Variants in CLRN1 observed in about 807,000 individuals in gnomAD.
CLRN1 encodes the protein clarin-1.
In CLRN1, 15 loss-of-function variants were observed where a neutral mutation model predicts 18.7. The observed-to-expected ratio is 0.80, with a 90% CI of 0.54 to 1.23. The LOEUF (loss-of-function observed/expected upper bound fraction) is 1.23, where lower values mean the gene tolerates loss of function less well. CLRN1 is among the 50% of genes most tolerant of loss of function. The probability of loss-of-function intolerance (pLI) is 0.00; values close to 1 mark genes in which losing one functional copy is unlikely to be tolerated. For missense variants in CLRN1, 311 were observed against 277.5 expected (o/e 1.12, Z -0.86); for synonymous variants, 104 against 102.9 (o/e 1.01, Z -0.07).
At chr3:150,929,303 C>T (rs1041055023) in intron 2 of CLRN1, among the ~76,000 whole-genome samples, 1 of 152,144 alleles carries the variant, frequency 6.6e-6, no homozygotes, top group Non-Finnish European at 1.5e-5. Flanking sequence ...CACTGGGAGA[C>T]TTCCAGATGG....
At chr3:150,941,842 C>G in intron 1 of CLRN1, 81 bp from the exon 2 acceptor site, 2 of 1,262,832 alleles carry the variant, frequency 1.6e-6, no homozygotes, top group Non-Finnish European at 2.3e-6. Flanking sequence ...TCAAATCTCT[C>G]TTTTTTAATT....
intron 1 of CLRN1, among the ~76,000 whole-genome samples, chr3:150,966,633 C>T (rs1350070013): frequency 6.6e-6 from 1 of 152,170 alleles, no homozygotes; most frequent in East Asian, 1.9e-4. Flanking sequence ...TTCAATTTCC[C>T]TTTCTTTAAC....
At chr3:150,947,761 T>A (rs372581329) in intron 1 of CLRN1, among the ~76,000 whole-genome samples, 1 of 152,132 alleles carries the variant, frequency 6.6e-6, no homozygotes, top group East Asian at 1.9e-4. Context: ...CTCAAAACCA[T>A]GCAATTACAT....
intron 2 of CLRN1, among the ~76,000 whole-genome samples, chr3:150,931,122 T>C (rs1713111511): frequency 6.6e-6 from 1 of 152,186 alleles, no homozygotes; most frequent in South Asian, 2.1e-4. Flanking sequence ...CAGTGTGAAC[T>C]TGGTATATTT....
intron 1 of CLRN1, among the ~76,000 whole-genome samples, chr3:150,950,527 AC>A (rs1229514212): frequency 6.6e-6 from 1 of 152,232 alleles, no homozygotes; most frequent in African/African-American, 2.4e-5. Context: ...AAGAAGATGT[AC>A]CTGCAGCCAA....
chr3:150,941,173 T>TATCTATCTATCC (rs1559982426), intron 2 of CLRN1, among the ~76,000 whole-genome samples: 1 of 103,274 alleles, frequency 9.7e-6, no homozygotes, highest in East Asian at 3.1e-4. Context: ...TCTATCTATC[T>TATCTATCTATCC]CTTTCATATA....
chr3:150,940,004 A>G (rs1445685218), intron 2 of CLRN1, among the ~76,000 whole-genome samples: 1 of 152,086 alleles, frequency 6.6e-6, no homozygotes, highest in Non-Finnish European at 1.5e-5. Context: ...GTTCCATGTC[A>G]TCTGAATTCT....
At chr3:150,965,940 G>C (rs2107987397) in intron 1 of CLRN1, among the ~76,000 whole-genome samples, 1 of 152,396 alleles carries the variant, frequency 6.6e-6, no homozygotes, top group East Asian at 1.9e-4. Context: ...GGCAGAACCA[G>C]AAGTTCCTTT....
intron 1 of CLRN1, among the ~76,000 whole-genome samples, chr3:150,944,547 G>A (rs1193936845): frequency 3.8e-5 from 4 of 106,272 alleles, no homozygotes; most frequent in Admixed American, 2.0e-4. Flanking sequence ...ATGGAAGATA[G>A]GACTTGTTTA....
chr3:150,955,892 G>A (rs1288815390), intron 1 of CLRN1, among the ~76,000 whole-genome samples: 3 of 151,990 alleles, frequency 2.0e-5, no homozygotes, highest in Admixed American at 6.5e-5. Flanking sequence ...TCACCCATAC[G>A]CCTACCAATA....
intron 1 of CLRN1, among the ~76,000 whole-genome samples, chr3:150,955,198 A>C (rs1437018084): frequency 6.6e-6 from 1 of 152,226 alleles, no homozygotes; most frequent in Non-Finnish European, 1.5e-5. Context: ...GCAAAATGAT[A>C]AGGACAGAAA....
chr3:150,933,554 AT>A (rs1559978981), intron 2 of CLRN1, among the ~76,000 whole-genome samples: 1 of 152,146 alleles, frequency 6.6e-6, no homozygotes, highest in Non-Finnish European at 1.5e-5. Context: ...AAGGTAAGGG[AT>A]AGAAAGAGGT....
chr3:150,963,133 T>C (rs1376903740), intron 1 of CLRN1, among the ~76,000 whole-genome samples: 1 of 152,206 alleles, frequency 6.6e-6, no homozygotes, highest in Non-Finnish European at 1.5e-5. Context: ...TGTCTCTGTT[T>C]GCAGATGAGA....
intron 1 of CLRN1, among the ~76,000 whole-genome samples, chr3:150,946,267 G>A (rs1714164915): frequency 6.6e-6 from 1 of 152,116 alleles, no homozygotes; most frequent in African/African-American, 2.4e-5. Context: ...AGCCCTATGA[G>A]GTAGGTACCA....
At chr3:150,935,607 A>G (rs112117088) in intron 2 of CLRN1, among the ~76,000 whole-genome samples, 45,682 of 143,364 alleles carry the variant, frequency 0.32, 7,340 homozygotes, top group Middle Eastern at 0.38. Flanking sequence ...ATAAACATAC[A>G]TGTGCATGTG....
intron 1 of CLRN1, among the ~76,000 whole-genome samples, chr3:150,943,053 C>T (rs1347882482): frequency 6.6e-6 from 1 of 152,198 alleles, no homozygotes; most frequent in Non-Finnish European, 1.5e-5. Context: ...TGCTATGTAA[C>T]TGCAACAGTT....
At chr3:150,957,238 TACACACACACAC>T (rs34726423) in intron 1 of CLRN1, among the ~76,000 whole-genome samples, 15 of 146,958 alleles carry the variant, frequency 1.0e-4, no homozygotes, top group Non-Finnish European at 1.4e-4. Flanking sequence ...TCCCATTTTA[TACACACACACAC>T]ACACACACAC....
intron 1 of CLRN1, among the ~76,000 whole-genome samples, chr3:150,970,423 A>G (rs1477557113): frequency 1.3e-5 from 2 of 151,918 alleles, no homozygotes; most frequent in Admixed American, 6.6e-5. Flanking sequence ...ATTTAAATGA[A>G]TATTATCCTC....
chr3:150,930,255 G>C (rs371461138), intron 2 of CLRN1, among the ~76,000 whole-genome samples: 1 of 152,250 alleles, frequency 6.6e-6, no homozygotes, highest in East Asian at 1.9e-4. Context: ...CTGGACTGTG[G>C]GGGGAGAGTA....
Sources: allele counts gnomAD v4.1 joint callset (sites outside exome capture counted in the v4.1 genomes callset), GRCh38; gene constraint gnomAD v4.1.1; transcripts MANE v1.5; gene names NCBI Gene and HGNC (gene_info 2026-07-23, HGNC 2026-07-21).